Variants in AFDN observed in about 807,000 individuals in gnomAD.
AFDN encodes the protein afadin, adherens junction formation factor, also known as afadin.
A neutral mutation model predicts 216.6 loss-of-function variants in AFDN; 68 were observed. The ratio of observed to expected loss-of-function variants is 0.31; its 90% confidence interval spans 0.26 to 0.38. The LOEUF (loss-of-function observed/expected upper bound fraction) is 0.38. Among genes scored for constraint, AFDN ranks in the 10% least tolerant of loss-of-function variants. AFDN has a pLI of 1.00. For missense variants in AFDN, 2,136 were observed against 2,342.0 expected (o/e 0.91, Z 1.82); for synonymous variants, 868 against 853.7 (o/e 1.02, Z -0.29).
At position 167,865,931 on chromosome 6, in the gene AFDN, TTTG is replaced by T. The variant is rs561236193; in HGVS notation, c.301+1197_301+1199del. Among the ~76,000 whole-genome samples, 255 of 152,268 alleles carry T rather than the reference TTTG, an allele frequency of 1.7e-3. No individual in the cohort carries two copies. The Middle Eastern group carries it at 0.027, about 16-fold the overall frequency. ...CAGTAGTATGTAAGTCAGGCCATTTTTTGTTGTTGTTGTTTGTTTACTTTTTTT... is the reference window on the plus strand; with the variant it reads ...CAGTAGTATGTAAGTCAGGCCATTTTTTGTTGTTGTTTGTTTACTTTTTTT... On this transcript the variant is annotated intron_variant, in intron 2 of 33. Transcript: ENST00000683244.
intron 20 of AFDN, among the ~76,000 whole-genome samples, chr6:167,917,780 C>T (rs1463172776): frequency 6.6e-6 from 1 of 152,174 alleles, no homozygotes. Context: ...TTTATGCTAA[C>T]AAGACATGCA....
chr6:167,962,745 T>C lies in AFDN; in HGVS notation c.4968+178T>C. ...CTTTACCCCATCTGGCCCACCTACC[T>C]CTCTTCTGGACTGTCTCCAGATCCC... is the stretch of plus-strand genomic sequence containing the variant. On this transcript the variant is annotated intron_variant, in intron 31 of 33. Transcript: ENST00000683244. This position sits in a 1 kb window ranked among gnomAD's most constrained non-coding sequence, Gnocchi z 5.2. 6.7e-7 allele frequency: 1 copy of C among 1,483,074 alleles called. No individual in the cohort carries two copies. The highest frequency in any genetic ancestry group is 8.9e-7 in the Non-Finnish European group (1 of 1,121,016). 91.9% of individuals were successfully genotyped at this position (1,483,074 alleles called of 1,614,324 possible).
chr6:167,943,513 AT>A (rs1336669177), intron 25 of AFDN, 38 bp downstream of exon 25: 1 of 1,515,764 alleles, frequency 6.6e-7, no homozygotes, highest in African/African-American at 1.4e-5. Context: ...TAGTATTAGC[AT>A]TTTTAGGTGA....
chr6:167,854,503 A>T (rs1455812386), intron 1 of AFDN, among the ~76,000 whole-genome samples: 1 of 151,974 alleles, frequency 6.6e-6, no homozygotes, highest in Non-Finnish European at 1.5e-5. Flanking sequence ...AGTCATGGTT[A>T]GGAAGCTTTT....
rs757969334 is a variant in AFDN, at chr6:167,911,502, C to T, written c.2037+13C>T. On this transcript the variant is annotated intron_variant, in intron 15 of 33. Transcript: ENST00000683244. ...GGGTGTCATCCAGGTACGTTCCAGC[C>T]GGCCAGCCATGCTCCTCCAGTGATT... is the stretch of plus-strand genomic sequence containing the variant. 33 of 1,612,866 alleles carry T rather than the reference C, an allele frequency of 2.0e-5. No individual in the cohort carries two copies. Among genetic ancestry groups the T allele is most frequent in the Middle Eastern group, 1.6e-4 (1 of 6,084 alleles).
chr6:167,828,016 G>C (rs1779386207), intron 1 of AFDN: 1 of 152,262 alleles, frequency 6.6e-6, no homozygotes. Context: ...AAGTCCACTA[G>C]GAAGGGCTCC....
At chr6:167,827,298 T>TC (rs1450773850) in intron 1 of AFDN, 61 bp downstream of exon 1, 31 of 584,582 alleles carry the variant, frequency 5.3e-5, no homozygotes, top group South Asian at 1.6e-4. Context: ...GCCCCGCCCC[T>TC]CCCCCCCGCC....
intron 8 of AFDN, among the ~76,000 whole-genome samples, chr6:167,891,254 A>G (rs1787535286): frequency 6.6e-6 from 1 of 152,210 alleles, no homozygotes; most frequent in African/African-American, 2.4e-5. Flanking sequence ...CACATGGACA[A>G]AGATGAGTAT....
chr6:167,955,121 C>T (rs1400899378), intron 30 of AFDN, among the ~76,000 whole-genome samples: 6 of 152,044 alleles, frequency 3.9e-5, no homozygotes, highest in East Asian at 1.9e-4. Context: ...ATTATGCTTG[C>T]GTATGGTATC....
At chr6:167,953,219 T>G (rs1796183701) in intron 30 of AFDN, among the ~76,000 whole-genome samples, 1 of 152,202 alleles carries the variant, frequency 6.6e-6, no homozygotes, top group South Asian at 2.1e-4. Context: ...TTTCAACTGT[T>G]TTTTTATGCT....
At chr6:167,881,992 G>A (rs1786173529) in intron 6 of AFDN, among the ~76,000 whole-genome samples, 2 of 152,150 alleles carry the variant, frequency 1.3e-5, no homozygotes, top group Non-Finnish European at 2.9e-5. Flanking sequence ...GCTGTCAAAT[G>A]TTGATAGCCA....
chr6:167,942,552 C>T (rs566217837), intron 23 of AFDN, among the ~76,000 whole-genome samples: 1 of 152,230 alleles, frequency 6.6e-6, no homozygotes, highest in South Asian at 2.1e-4. Context: ...ATATATAGAA[C>T]TTAAGTCTAT....
chr6:167,874,117 G>A (rs1231614329), intron 4 of AFDN, among the ~76,000 whole-genome samples: 2 of 152,188 alleles, frequency 1.3e-5, no homozygotes, highest in African/African-American at 4.8e-5. Context: ...CTAGGTTCAT[G>A]CCTGTAGCCT....
intron 23 of AFDN, among the ~76,000 whole-genome samples, chr6:167,938,552 A>C (rs1794300268): frequency 1.3e-5 from 2 of 152,246 alleles, no homozygotes; most frequent in African/African-American, 4.8e-5. Flanking sequence ...AAATATCAGT[A>C]GTACATGATC....
At chr6:167,860,741 T>G (rs539597290) in intron 1 of AFDN, among the ~76,000 whole-genome samples, 1 of 152,264 alleles carries the variant, frequency 6.6e-6, no homozygotes, top group East Asian at 1.9e-4. Flanking sequence ...CTAGACGTGG[T>G]GGATGAGGTT....
intron 11 of AFDN, among the ~76,000 whole-genome samples, chr6:167,899,870 C>T (rs1788729476): frequency 6.6e-6 from 1 of 152,214 alleles, no homozygotes; most frequent in Non-Finnish European, 1.5e-5. Flanking sequence ...TACTGTCCAT[C>T]TCTGTTCTCT....
chr6:167,880,908 T>C (rs968339600), intron 6 of AFDN, among the ~76,000 whole-genome samples: 2 of 152,162 alleles, frequency 1.3e-5, no homozygotes, highest in East Asian at 3.9e-4. Context: ...ATGTGCCAAT[T>C]TTGTTCATGA....
At chr6:167,832,788 G>A (rs987048278) in intron 1 of AFDN, among the ~76,000 whole-genome samples, 2 of 152,224 alleles carry the variant, frequency 1.3e-5, no homozygotes, top group African/African-American at 4.8e-5. Flanking sequence ...GAAATTTAAT[G>A]TTAAAATTGT....
chr6:167,845,545 A>G (rs1781572286), intron 1 of AFDN, among the ~76,000 whole-genome samples: 2 of 151,814 alleles, frequency 1.3e-5, no homozygotes, highest in Non-Finnish European at 2.9e-5. Flanking sequence ...TTACAGGCAG[A>G]TGGTATTTTT....
Sources: gnomAD v4.1 joint callset for allele counts (sites outside exome capture counted in the v4.1 genomes callset) on GRCh38, gnomAD v4.1.1 for gene constraint, Gnocchi (gnomAD v3.1) non-coding constraint, MANE v1.5 for transcripts, NCBI Gene and HGNC (gene_info 2026-07-23, HGNC 2026-07-21) for gene names.